ZFHX3: variants seen among roughly 807,000 people sequenced by gnomAD.
The protein encoded by ZFHX3 is zinc finger homeobox 3.
A neutral mutation model predicts 279.1 loss-of-function variants in ZFHX3; 42 were observed. That is an observed-to-expected ratio of 0.15 (90% CI 0.12 to 0.19). The LOEUF is 0.19. Among genes scored for constraint, ZFHX3 ranks in the 10% least tolerant of loss-of-function variants. The pLI, the probability that ZFHX3 is intolerant of heterozygous loss-of-function variation, is 1.00. For synonymous variants in ZFHX3, 2,293 were observed against 1,957.8 expected, an observed-to-expected ratio of 1.17 and a Z score of -4.52; for missense variants, 4,981 against 4,754.0, an observed-to-expected ratio of 1.05 and a Z score of -1.40.
chr16:72,959,493 G>T lies in ZFHX3; in HGVS notation c.653C>A (p.Thr218Asn), dbSNP rs1214891131. 2 of 1,614,162 alleles carry T rather than the reference G, an allele frequency of 1.2e-6. No homozygotes were observed. Among genetic ancestry groups the T allele is most frequent in the Non-Finnish European group, 8.5e-7 (1 of 1,180,054 alleles). ...GGGGCTGAGCCCCGCCAGGGCTGAG[G>T]TATTCGGGAAAGCCTGGTCTGGGCC... is the stretch of plus-strand genomic sequence containing the variant. ...FEGPDQAFPN[T>N]SALAGLSPVL... Residue 218 changes from threonine (T) to asparagine (N), a missense_variant, in exon 2 of 10, where the codon ACC becomes AAC. Transcript: ENST00000268489.
chr16:73,197,234 C>G (rs79093660), intron 5 of ZFHX3, among the ~76,000 whole-genome samples: 3,407 of 152,236 alleles, frequency 0.022, 145 homozygotes, highest in African/African-American at 0.078. Flanking sequence ...CAAGATATAT[C>G]AATTCATTAC....
At chr16:73,567,714 C>T (rs374401890) in intron 2 of ZFHX3, among the ~76,000 whole-genome samples, 36 of 152,288 alleles carry the variant, frequency 2.4e-4, no homozygotes, top group South Asian at 4.1e-4. Flanking sequence ...GATTTGCCTG[C>T]GTCCCTTGTA....
chr16:73,422,695 C>T (rs2017740272), intron 3 of ZFHX3, among the ~76,000 whole-genome samples: 1 of 152,228 alleles, frequency 6.6e-6, no homozygotes, highest in African/African-American at 2.4e-5. Context: ...TGCCTCCTTC[C>T]TCTGCCTCTT....
chr16:72,987,038 G>C (rs1962878683), intron 1 of ZFHX3, among the ~76,000 whole-genome samples: 1 of 152,164 alleles, frequency 6.6e-6, no homozygotes, highest in South Asian at 2.1e-4. Context: ...TGTAGCCCCA[G>C]TTACTCGGGA....
rs1410496643 is a variant in ZFHX3 at position 72,796,850 on chromosome 16, G to A, written c.5832C>T (p.Ala1944=). ...CAAAGTTCTCCAGCAGGGCCTTGGT[G>A]GCGTTCCCTCTGGCATCTGAAGCAA... The part of the protein sequence containing the change: ...PRIASDARGN[A]TKALLENFGF... The change falls in exon 9 of 10, where the codon GCC becomes GCT. Residue 1944 remains alanine (A), a synonymous_variant. Coordinates refer to ENST00000268489, the MANE Select transcript of ZFHX3 (RefSeq NM_006885.4). 6.2e-6 allele frequency: 10 copies of A among 1,613,434 alleles called. No homozygotes were observed. The highest frequency in any genetic ancestry group is 5.0e-5 in the Admixed American group (3 of 59,954).
intron 2 of ZFHX3, among the ~76,000 whole-genome samples, chr16:73,666,919 A>G (rs889795302): frequency 9.2e-5 from 14 of 152,092 alleles, no homozygotes; most frequent in African/African-American, 3.4e-4. Context: ...GGATTCATCC[A>G]CGTTATTGAG....
intron 2 of ZFHX3, among the ~76,000 whole-genome samples, chr16:73,474,352 T>C (rs1321858557): frequency 6.6e-6 from 1 of 152,184 alleles, no homozygotes; most frequent in African/African-American, 2.4e-5. Flanking sequence ...TTTCACCATA[T>C]TGGCCAGGCC....
In ZFHX3 at chr16:72,795,284, A is replaced by G. The variant is rs755402551; in HGVS notation, c.7398T>C (p.Thr2466=). The stretch of plus-strand genomic sequence containing the variant: ...CCAGCTGGGGGAGCTTCTGCTGGGG[A>G]GTGTTGGTCTTCTGCTCGGGCTGCT... ...QQEQPEQKTN[T]PQQKLPQLVS... Residue 2466 remains threonine, a synonymous_variant, in exon 9 of 10, where the codon ACT becomes ACC. Coordinates refer to ENST00000268489, the MANE Select transcript of ZFHX3 (RefSeq NM_006885.4). 1.2e-6 allele frequency: 2 copies of G among 1,613,052 alleles called. No individual in the cohort carries two copies. Among genetic ancestry groups the G allele is most frequent in the South Asian group, 2.2e-5 (2 of 91,014 alleles).
intron 8 of ZFHX3, among the ~76,000 whole-genome samples, chr16:73,066,387 G>A (rs1206165906): frequency 6.6e-6 from 1 of 152,136 alleles, no homozygotes; most frequent in African/African-American, 2.4e-5. Flanking sequence ...GCCAGCGTGC[G>A]CGTCCCTAAT....
intron 3 of ZFHX3, among the ~76,000 whole-genome samples, chr16:72,944,104 C>T (rs945844667): frequency 3.3e-5 from 5 of 152,156 alleles, no homozygotes; most frequent in African/African-American, 9.6e-5. Flanking sequence ...GGCAAAATGT[C>T]GAAATCCTGT....
intron 2 of ZFHX3, among the ~76,000 whole-genome samples, chr16:73,526,343 C>G (rs997252801): frequency 9.9e-5 from 15 of 152,224 alleles, no homozygotes; most frequent in South Asian, 2.1e-4. Context: ...ATTAATTAGA[C>G]AGAAGCTCCA....
At chr16:73,043,085 A>T (rs1196834173) in intron 1 of ZFHX3, among the ~76,000 whole-genome samples, 1 of 152,076 alleles carries the variant, frequency 6.6e-6, no homozygotes, top group Non-Finnish European at 1.5e-5. Flanking sequence ...TGCCCGCCTC[A>T]CTGGAAGCTT....
intron 5 of ZFHX3, among the ~76,000 whole-genome samples, chr16:73,174,675 C>T (rs1178995857): frequency 6.6e-6 from 1 of 151,974 alleles, no homozygotes; most frequent in African/African-American, 2.4e-5. Context: ...TCTTCTCCTG[C>T]CCCATTGCAG....
chr16:73,328,857 C>G (rs2015744269), intron 3 of ZFHX3, among the ~76,000 whole-genome samples: 1 of 152,206 alleles, frequency 6.6e-6, no homozygotes. Flanking sequence ...TAAGCAGATA[C>G]TTCATCTTTC....
intron 3 of ZFHX3, among the ~76,000 whole-genome samples, chr16:73,436,902 TC>T (rs138798205): frequency 0.012 from 1,812 of 152,198 alleles, 29 homozygotes; most frequent in African/African-American, 0.042. Context: ...TGACACAGAC[TC>T]CCCTGAGTTC....
chr16:73,635,044 T>C (rs557444830), intron 2 of ZFHX3, among the ~76,000 whole-genome samples: 76 of 152,318 alleles, frequency 5.0e-4, no homozygotes, highest in Middle Eastern at 3.4e-3. Flanking sequence ...GAGTCATTTA[T>C]CATTAAAGAT....
chr16:73,663,102 G>T (rs763478323), intron 2 of ZFHX3, among the ~76,000 whole-genome samples: 1 of 152,228 alleles, frequency 6.6e-6, no homozygotes, highest in Non-Finnish European at 1.5e-5. Flanking sequence ...GTTGGGTTGA[G>T]TGGGGGAGGA....
At chr16:72,859,525 A>G (rs537130387) in intron 4 of ZFHX3, among the ~76,000 whole-genome samples, 1 of 152,334 alleles carries the variant, frequency 6.6e-6, no homozygotes, top group Non-Finnish European at 1.5e-5. Flanking sequence ...GGACATGTGG[A>G]AGTCCACTTA....
At chr16:73,721,664 G>T (rs2053475052) in intron 1 of ZFHX3, among the ~76,000 whole-genome samples, 1 of 152,148 alleles carries the variant, frequency 6.6e-6, no homozygotes, top group Non-Finnish European at 1.5e-5. Context: ...TGGTTCTCCT[G>T]CTATGGACCC....
Sources: allele counts gnomAD v4.1 joint callset (sites outside exome capture counted in the v4.1 genomes callset), GRCh38; gene constraint gnomAD v4.1.1; transcripts MANE v1.5; gene names NCBI Gene and HGNC (gene_info 2026-07-23, HGNC 2026-07-21).